CCDC3: variants seen among roughly 807,000 people sequenced by gnomAD.
CCDC3 encodes the protein coiled-coil domain-containing protein 3.
In CCDC3, 24 loss-of-function variants were observed where a neutral mutation model predicts 21.4. The observed-to-expected ratio is 1.12, with a 90% confidence interval of 0.81 to 1.58. CCDC3 has a LOEUF of 1.58. Among genes scored for constraint, CCDC3 ranks in the 40% most tolerant of loss-of-function variants. The pLI is 0.00. For missense variants in CCDC3, 425 were observed against 360.9 expected (o/e 1.18, Z -1.44); for synonymous variants, 186 against 166.0 (o/e 1.12, Z -0.93).
intron 4 of CCDC3, among the ~76,000 whole-genome samples, chr10:13,071,506 G>C (rs1254087088): frequency 6.6e-6 from 1 of 152,200 alleles, no homozygotes; most frequent in Non-Finnish European, 1.5e-5. Flanking sequence ...GCATAAATGA[G>C]GTCTAGGGAA....
chr10:12,921,683 AT>A (rs969829827), intron 2 of CCDC3, among the ~76,000 whole-genome samples: 1 of 152,042 alleles, frequency 6.6e-6, no homozygotes, highest in Non-Finnish European at 1.5e-5. Context: ...CACAACTATA[AT>A]TTTTTTTGCA....
At chr10:13,007,506 T>C (rs1202629066) in intron 5 of CCDC3, among the ~76,000 whole-genome samples, 1 of 152,186 alleles carries the variant, frequency 6.6e-6, no homozygotes, top group African/African-American at 2.4e-5. Flanking sequence ...ATATAGGCAG[T>C]CTTGCAATTT....
intron 3 of CCDC3, among the ~76,000 whole-genome samples, chr10:13,081,826 C>T (rs753904641): frequency 5.3e-5 from 8 of 152,248 alleles, no homozygotes; most frequent in South Asian, 2.1e-4. Flanking sequence ...TAAATGCAAT[C>T]GTTACGCTTG....
intron 5 of CCDC3, among the ~76,000 whole-genome samples, chr10:13,041,197 A>C (rs1836449307): frequency 6.6e-6 from 1 of 152,198 alleles, no homozygotes; most frequent in African/African-American, 2.4e-5. Context: ...GTACCTATTC[A>C]TCTGGGCCCT....
chr10:13,080,339 TA>T (rs772379978), intron 3 of CCDC3, among the ~76,000 whole-genome samples: 30 of 152,120 alleles, frequency 2.0e-4, no homozygotes, highest in Non-Finnish European at 3.2e-4. Flanking sequence ...GTCAGAAAGT[TA>T]AAGCATGTCA....
chr10:12,914,054 T>C (rs529563724), intron 2 of CCDC3, among the ~76,000 whole-genome samples: 1 of 152,342 alleles, frequency 6.6e-6, no homozygotes, highest in South Asian at 2.1e-4. Flanking sequence ...CTTCTTTTTA[T>C]AGTGTTTTTG....
chr10:13,080,235 G>C (rs1366621527), intron 3 of CCDC3, among the ~76,000 whole-genome samples: 1 of 152,160 alleles, frequency 6.6e-6, no homozygotes, highest in African/African-American at 2.4e-5. Context: ...ATGAAAGAGA[G>C]ATAGAGGGAG....
rs143094470 is a variant in CCDC3 at position 12,976,789 on chromosome 10, T to C, written c.549+21549A>G. ...ATACTACAGTGGTGGGTACCTGTCA[T>C]TACACATTTGTCTACACCCATAGAA... On this transcript the variant is annotated intron_variant, in intron 2 of 2. Coordinates refer to ENST00000378825, the MANE Select transcript of CCDC3 (RefSeq NM_031455.4). Among the ~76,000 whole-genome samples, 827 of 151,122 alleles carry C rather than the reference T, an allele frequency of 5.5e-3. 5 individuals are homozygous for C. Among genetic ancestry groups the C allele is most frequent in the African/African-American group, 0.019 (774 of 41,060 alleles).
intron 2 of CCDC3, among the ~76,000 whole-genome samples, chr10:12,983,296 G>T (rs1274117229): frequency 1.9e-4 from 29 of 151,132 alleles, no homozygotes. Context: ...AAAACAGCAG[G>T]GAGTGGTGGC....
At chr10:13,093,821 TG>T (rs1832603001) in intron 3 of CCDC3, among the ~76,000 whole-genome samples, 1 of 152,196 alleles carries the variant, frequency 6.6e-6, no homozygotes, top group South Asian at 2.1e-4. Flanking sequence ...TTCCTACTAC[TG>T]ATCAATTATT....
chr10:12,915,543 A>G (rs1010715161), intron 2 of CCDC3, among the ~76,000 whole-genome samples: 5 of 152,208 alleles, frequency 3.3e-5, no homozygotes, highest in African/African-American at 9.6e-5. Flanking sequence ...TGATTTTTCC[A>G]TGATTGTTTT....
chr10:12,982,179 G>A (rs1313650453), intron 2 of CCDC3, among the ~76,000 whole-genome samples: 2 of 111,144 alleles, frequency 1.8e-5, no homozygotes, highest in African/African-American at 7.3e-5. Flanking sequence ...AAAATCAAAA[G>A]CCATGGTCAC....
chr10:12,920,258 C>G (rs934988767), intron 2 of CCDC3, among the ~76,000 whole-genome samples: 1 of 152,144 alleles, frequency 6.6e-6, no homozygotes, highest in Non-Finnish European at 1.5e-5. Context: ...GCCATCAGAT[C>G]TCATGAGACT....
intron 4 of CCDC3, among the ~76,000 whole-genome samples, chr10:13,070,061 A>G (rs146579371): frequency 6.6e-6 from 1 of 152,246 alleles, no homozygotes; most frequent in African/African-American, 2.4e-5. Flanking sequence ...ATCAAGCAAA[A>G]CAAGAGTTAA....
At position 12,910,610 on chromosome 10, in the gene CCDC3, A is replaced by ATTT. The variant is rs1345583827; in HGVS notation, c.550-11932_550-11931insAAA. ...TAGTCAGAGCAAAAAAAAAAAAAAA[A>ATTT]ATTTTTTTTTTTTTTTTGACACAGA... On this transcript the variant is annotated intron_variant, in intron 2 of 2. Transcript: ENST00000378825. 7.8e-5 allele frequency among the ~76,000 whole-genome samples: 8 copies of ATTT among 103,030 alleles called. No homozygotes were observed. The East Asian group carries it at 1.4e-3, about 18-fold the overall frequency. 67.6% of individuals were successfully genotyped at this position (103,030 alleles called of 152,430 possible).
intron 2 of CCDC3, among the ~76,000 whole-genome samples, chr10:12,953,849 G>A (rs1835044815): frequency 6.6e-6 from 1 of 152,210 alleles, no homozygotes; most frequent in Admixed American, 6.5e-5. Flanking sequence ...ACAGGCACTG[G>A]CAAACTTTTT....
chr10:13,058,217 GT>G, intron 4 of CCDC3: 1 of 1,285,252 alleles, frequency 7.8e-7, no homozygotes, highest in South Asian at 1.2e-5. Flanking sequence ...ATTGCCAGCG[GT>G]AGTTCTGGCA....
At chr10:12,998,719 A>T (rs1490567939) in intron 1 of CCDC3, among the ~76,000 whole-genome samples, 1 of 152,184 alleles carries the variant, frequency 6.6e-6, no homozygotes, top group African/African-American at 2.4e-5. Context: ...GATGAGTTTG[A>T]GCAAAGTATG....
intron 4 of CCDC3, among the ~76,000 whole-genome samples, chr10:13,073,055 C>T (rs11598311): frequency 0.3 from 45,206 of 151,502 alleles, 6,924 homozygotes; most frequent in Non-Finnish European, 0.32. Context: ...TTAGTAGAGA[C>T]GAGTTTCACC....
Sources: allele counts gnomAD v4.1 joint callset (sites outside exome capture counted in the v4.1 genomes callset), GRCh38; gene constraint gnomAD v4.1.1; transcripts MANE v1.5; gene names NCBI Gene and HGNC (gene_info 2026-07-23, HGNC 2026-07-21).